Variants in MCCC1 observed in about 807,000 individuals in gnomAD.
The protein encoded by MCCC1 is methylcrotonoyl-CoA carboxylase subunit alpha, mitochondrial.
MCCC1 carries 64 observed loss-of-function variants against 83.8 expected under a neutral mutation model. The ratio of observed to expected loss-of-function variants is 0.76; its 90% CI spans 0.62 to 0.94. The LOEUF (loss-of-function observed/expected upper bound fraction) is 0.94, where lower values mean the gene tolerates loss of function less well. Among genes scored for constraint, MCCC1 ranks in the 40% least tolerant of loss-of-function variants. The pLI is 0.00. For synonymous variants in MCCC1, 322 were observed against 315.4 expected, an observed-to-expected ratio of 1.02 and a Z score of -0.22; for missense variants, 807 against 904.7, an observed-to-expected ratio of 0.89 and a Z score of 1.39.
intron 9 of MCCC1, among the ~76,000 whole-genome samples, chr3:183,049,494 C>T (rs1006638433): frequency 6.6e-6 from 1 of 151,328 alleles, no homozygotes; most frequent in African/African-American, 2.4e-5. Context: ...ATTGCTTGAA[C>T]CCAGGAGGCG....
intron 1 of MCCC1, among the ~76,000 whole-genome samples, chr3:183,095,269 C>T (rs1029348650): frequency 6.6e-6 from 1 of 151,078 alleles, no homozygotes; most frequent in African/African-American, 2.4e-5. Flanking sequence ...GGTGACAGAG[C>T]GAGACTCCGT....
intron 1 of MCCC1, among the ~76,000 whole-genome samples, chr3:183,114,971 A>C (rs1353051289): frequency 5.3e-5 from 8 of 152,118 alleles, no homozygotes; most frequent in Admixed American, 5.2e-4. Flanking sequence ...TGGTAATGAC[A>C]GTCTCCCGGC....
Position 183,099,363 on chromosome 3 carries a change from G to A in MCCC1, c.78C>T (p.Leu26=), listed in dbSNP as rs760268547. 9.4e-6 allele frequency: 15 copies of A among 1,601,230 alleles called. No homozygotes were observed. The highest frequency in any genetic ancestry group is 8.0e-5 in the African/African-American group (6 of 74,694). ...GCCCCTCCACCCACCTCGGCGGCAGGAGCAGGCTCGGGAGACGATGCCACC... is the reference window on the plus strand; with the variant it reads ...GCCCCTCCACCCACCTCGGCGGCAGAAGCAGGCTCGGGAGACGATGCCACC... ...RNRWHRLPSL[L]LPPRTWVWRQ... is the part of the protein sequence containing the mutation. Residue 26 remains leucine, a synonymous_variant, in exon 1 of 19, where the codon CTC becomes CTT. Transcript: ENST00000265594.
rs562285556 is a variant in MCCC1 at position 183,099,226 on chromosome 3, G to T, written c.89+126C>A. On this transcript the variant is annotated intron_variant, in intron 1 of 18. Coordinates refer to ENST00000265594, the MANE Select transcript of MCCC1 (RefSeq NM_020166.5). ...CTGCCGGCAGAACCCCTCCGAAAGT[G>T]CCTGGGGTTTTCCTACCGTCCTCCC... is the stretch of plus-strand genomic sequence containing the variant. The T allele has an allele frequency of 1.5e-3, 1,624 of 1,097,668 alleles. 2 individuals are homozygous for T. Among genetic ancestry groups the T allele is most frequent in the Non-Finnish European group, 2.0e-3 (1,513 of 752,128 alleles). 68.0% of individuals were successfully genotyped at this position (1,097,668 alleles called of 1,614,324 possible).
chr3:183,086,124 T>C (rs1221057755), intron 4 of MCCC1, among the ~76,000 whole-genome samples: 2 of 152,256 alleles, frequency 1.3e-5, no homozygotes, highest in Admixed American at 6.5e-5. Flanking sequence ...AAGTTCCTTC[T>C]GCTGAAACGT....
chr3:183,093,702 G>A (rs3772722), intron 2 of MCCC1, among the ~76,000 whole-genome samples: 3 of 151,788 alleles, frequency 2.0e-5, no homozygotes, highest in Non-Finnish European at 4.4e-5. Context: ...AGTGTTTTTC[G>A]ATGGGGCTCT....
At chr3:183,053,600 T>A (rs1347232434) in intron 8 of MCCC1, among the ~76,000 whole-genome samples, 7 of 150,074 alleles carry the variant, frequency 4.7e-5, no homozygotes, top group East Asian at 4.0e-4. Flanking sequence ...AAGTCAGGAG[T>A]TCGAGACCAG....
chr3:183,043,315 T>A (rs1465200095), intron 10 of MCCC1, among the ~76,000 whole-genome samples: 2 of 152,216 alleles, frequency 1.3e-5, no homozygotes, highest in African/African-American at 4.8e-5. Flanking sequence ...TGTCTTTGCC[T>A]GTCCATTTTC....
chr3:183,027,032 C>T (rs377349097), intron 14 of MCCC1, among the ~76,000 whole-genome samples: 13 of 152,152 alleles, frequency 8.5e-5, no homozygotes, highest in Admixed American at 3.3e-4. Flanking sequence ...GTGCTCACTT[C>T]GTGTCTCTAT....
intron 1 of MCCC1, among the ~76,000 whole-genome samples, chr3:183,108,450 G>C (rs1412946187): frequency 1.3e-5 from 2 of 152,022 alleles, no homozygotes; most frequent in South Asian, 2.1e-4. Context: ...TGTCTGCCAG[G>C]TTTCCTCACT....
chr3:183,055,747 A>C (rs993940508), intron 8 of MCCC1, among the ~76,000 whole-genome samples: 3 of 152,074 alleles, frequency 2.0e-5, no homozygotes, highest in Non-Finnish European at 4.4e-5. Context: ...CATTAAAAAA[A>C]AAATTAGCCA....
chr3:183,051,752 C>T lies in MCCC1; in HGVS notation c.955+407G>A, dbSNP rs1203839742. On this transcript the variant is annotated intron_variant, in intron 9 of 18. Transcript: ENST00000265594. Reference sequence around the variant, plus strand: ...TGCAGGAATATTGATACTGTGGGAGCTTGTGTGTTGGGGGGTATCCGAGTG... The same window carrying T: ...TGCAGGAATATTGATACTGTGGGAGTTTGTGTGTTGGGGGGTATCCGAGTG... Among the ~76,000 whole-genome samples the T allele has an allele frequency of 3.6e-5, 5 of 139,566 alleles. No homozygotes were observed. In the Admixed American group the frequency reaches 3.8e-4, roughly 11 times the overall value. 91.6% of individuals were successfully genotyped at this position (139,566 alleles called of 152,430 possible).
chr3:183,031,024 T>C (rs4859264), intron 14 of MCCC1, among the ~76,000 whole-genome samples: 136,839 of 152,202 alleles, frequency 0.9, 61,824 homozygotes, highest in East Asian at 1. Context: ...TTGTCACATA[T>C]AAGAGGACCT....
rs781210813 is a variant in MCCC1 at position 183,045,524 on chromosome 3, A to C, written c.972T>G (p.Ile324Met). The stretch of plus-strand genomic sequence containing the variant: ...AACAGAAATTATGTTTTGAGTCCAT[A>C]ATAAACTCCACAGTCCCTAAAAGGT... ...NYVGAGTVEFIMDSKHNFCFM... is the reference protein window; with the variant it reads ...NYVGAGTVEFMMDSKHNFCFM... Residue 324 changes from isoleucine to methionine, a missense_variant, in exon 10 of 19, where the codon ATT becomes ATG. Coordinates refer to ENST00000265594, the MANE Select transcript of MCCC1 (RefSeq NM_020166.5). The C allele has an allele frequency of 4.3e-6, 7 of 1,613,980 alleles. No individual in the cohort carries two copies. Among genetic ancestry groups the C allele is most frequent in the Non-Finnish European group, 5.9e-6 (7 of 1,179,954 alleles).
chr3:183,076,101 T>C (rs1435800465), intron 4 of MCCC1, among the ~76,000 whole-genome samples: 1 of 152,248 alleles, frequency 6.6e-6, no homozygotes, highest in Non-Finnish European at 1.5e-5. Flanking sequence ...TTGGTGAATT[T>C]AGTAAATCTA....
chr3:183,099,424 G>T lies in MCCC1; in HGVS notation c.17C>A (p.Ala6Glu). ...CGCCGCCACCAGCAGCACCGACACC[G>T]CAGAGGCCGCCGCCATGTCCCTGGA... is the stretch of plus-strand genomic sequence containing the variant. MAAAS[A>E]VSVLLVAAER... The change falls in exon 1 of 19, where the codon GCG (alanine) becomes GAG (glutamate). Residue 6 changes from alanine (A) to glutamate (E), a missense_variant. Transcript: ENST00000265594. 6.2e-7 allele frequency: 1 copy of T among 1,605,610 alleles called. No individual in the cohort carries two copies. The highest frequency in any genetic ancestry group is 8.5e-7 in the Non-Finnish European group (1 of 1,177,250).
chr3:183,095,467 T>G (rs902146775), intron 1 of MCCC1, among the ~76,000 whole-genome samples: 4 of 152,202 alleles, frequency 2.6e-5, no homozygotes, highest in African/African-American at 9.6e-5. Context: ...AGAAAGAATG[T>G]TGGCTGTGGG....
intron 8 of MCCC1, 47 bp from the exon 9 acceptor site, chr3:183,052,287 C>G (rs755396351): frequency 6.6e-5 from 102 of 1,534,108 alleles, no homozygotes; most frequent in Non-Finnish European, 8.7e-5. Flanking sequence ...GCTTGCCTTA[C>G]TAGAAATTCC....
chr3:183,021,629 G>C (rs1712169172), intron 16 of MCCC1, among the ~76,000 whole-genome samples: 1 of 152,308 alleles, frequency 6.6e-6, no homozygotes. Flanking sequence ...GGCAGAATTT[G>C]AACCAAAGCA....
Sources: allele counts gnomAD v4.1 joint callset (sites outside exome capture counted in the v4.1 genomes callset), GRCh38; gene constraint gnomAD v4.1.1; transcripts MANE v1.5; gene names NCBI Gene and HGNC (gene_info 2026-07-23, HGNC 2026-07-21).